KCNMB2: variants seen among roughly 807,000 people sequenced by gnomAD.
KCNMB2 encodes the protein potassium calcium-activated channel subfamily M regulatory beta subunit 2.
In KCNMB2, 9 loss-of-function variants were observed where a neutral mutation model predicts 24.5. The observed-to-expected ratio is 0.37, with a 90% CI of 0.22 to 0.64. The LOEUF (loss-of-function observed/expected upper bound fraction) is 0.64. Among genes scored for constraint, KCNMB2 ranks in the 30% least tolerant of loss-of-function variants. The pLI is 0.63. For missense variants in KCNMB2, 226 were observed against 284.3 expected (o/e 0.79, Z 1.47); for synonymous variants, 109 against 104.4 (o/e 1.04, Z -0.27).
At chr3:178,647,306 C>T (rs1033250704) in intron 1 of KCNMB2, among the ~76,000 whole-genome samples, 14 of 152,050 alleles carry the variant, frequency 9.2e-5, no homozygotes, top group African/African-American at 3.4e-4. Flanking sequence ...AAGTTCATTA[C>T]CTGTGTGCTT....
intron 2 of KCNMB2, among the ~76,000 whole-genome samples, chr3:178,816,657 C>T (rs1224618011): frequency 1.3e-5 from 2 of 152,044 alleles, no homozygotes; most frequent in Admixed American, 1.3e-4. Flanking sequence ...AGCTGCATCC[C>T]ACTAATTGTT....
intron 1 of KCNMB2, among the ~76,000 whole-genome samples, chr3:178,798,731 A>T (rs1713653344): frequency 6.6e-6 from 1 of 151,846 alleles, no homozygotes; most frequent in South Asian, 2.1e-4. Context: ...TCAGGGAGTG[A>T]GGTTGGGGGA....
chr3:178,636,571 A>G (rs553830495), intron 1 of KCNMB2, among the ~76,000 whole-genome samples: 10 of 152,242 alleles, frequency 6.6e-5, no homozygotes, highest in Non-Finnish European at 8.8e-5. Flanking sequence ...TATAATCAGA[A>G]AGAAAAACTG....
At chr3:178,591,851 A>G (rs1197152138) in intron 1 of KCNMB2, among the ~76,000 whole-genome samples, 1 of 152,112 alleles carries the variant, frequency 6.6e-6, no homozygotes, top group Non-Finnish European at 1.5e-5. Context: ...GGTTGAAAAG[A>G]TCAGGCCCAG....
intron 1 of KCNMB2, among the ~76,000 whole-genome samples, chr3:178,570,086 T>C (rs958334910): frequency 1.3e-5 from 2 of 152,156 alleles, no homozygotes; most frequent in African/African-American, 2.4e-5. Flanking sequence ...TCTGGTAGCA[T>C]TGGCTCTTTC....
intron 1 of KCNMB2, among the ~76,000 whole-genome samples, chr3:178,587,559 C>T (rs1717488194): frequency 6.6e-6 from 1 of 151,228 alleles, no homozygotes; most frequent in African/African-American, 2.4e-5. Flanking sequence ...GGGTAGTTGG[C>T]ATTACAGGCA....
At chr3:178,746,730 T>A (rs1377147038) in intron 1 of KCNMB2, among the ~76,000 whole-genome samples, 3 of 152,178 alleles carry the variant, frequency 2.0e-5, no homozygotes, top group Non-Finnish European at 4.4e-5. Flanking sequence ...ATCATCTCTC[T>A]CAAGTTCAAA....
At chr3:178,791,148 A>C (rs7374936) in intron 1 of KCNMB2, among the ~76,000 whole-genome samples, 21,920 of 152,246 alleles carry the variant, frequency 0.14, 1,868 homozygotes, top group Non-Finnish European at 0.18. Context: ...AGTGGCCAAT[A>C]CCGGAATGAC....
chr3:178,638,120 A>G (rs534269478), intron 1 of KCNMB2, among the ~76,000 whole-genome samples: 3 of 152,108 alleles, frequency 2.0e-5, no homozygotes, highest in African/African-American at 7.2e-5. Flanking sequence ...ACAATACCTA[A>G]TTTGCGGCCT....
intron 2 of KCNMB2, among the ~76,000 whole-genome samples, chr3:178,821,705 T>G (rs1714631631): frequency 6.6e-6 from 1 of 152,076 alleles, no homozygotes; most frequent in Admixed American, 6.6e-5. Context: ...GAAACAAGAA[T>G]CTCACCTTTC....
At chr3:178,807,908 TA>T (rs1196413451) in intron 2 of KCNMB2, among the ~76,000 whole-genome samples, 1 of 151,300 alleles carries the variant, frequency 6.6e-6, no homozygotes, top group Non-Finnish European at 1.5e-5. Flanking sequence ...CAACAAAAAA[TA>T]ATAAAAATAT....
At chr3:178,701,098 T>G (rs921873868) in intron 1 of KCNMB2, among the ~76,000 whole-genome samples, 1 of 152,232 alleles carries the variant, frequency 6.6e-6, no homozygotes, top group African/African-American at 2.4e-5. Context: ...AGGTCTAACA[T>G]TTAAGCCTTT....
intron 1 of KCNMB2, among the ~76,000 whole-genome samples, chr3:178,700,780 CCAA>C (rs1424654142): frequency 1.4e-5 from 2 of 146,914 alleles, no homozygotes; most frequent in Admixed American, 1.3e-4. Context: ...AAAAAAAAAA[CCAA>C]CAACAAGAAA....
At position 178,814,126 on chromosome 3, in the gene KCNMB2, A is replaced by G. The variant is rs60098148; in HGVS notation, c.56+6661A>G. On this transcript the variant is annotated intron_variant, in intron 2 of 4. Transcript: ENST00000452583. ...ATAGTGAAACTAGTACCCAATAGGTAGTTTTTCAACTCTTTTTTCCTCCCT... is the reference window on the plus strand; with the variant it reads ...ATAGTGAAACTAGTACCCAATAGGTGGTTTTTCAACTCTTTTTTCCTCCCT... Among the ~76,000 whole-genome samples the G allele has an allele frequency of 9.5e-4, 144 of 152,258 alleles. 1 individual carries two copies. In the East Asian group the frequency reaches 0.027, roughly 28 times the overall value.
At position 178,569,384 on chromosome 3, in the gene KCNMB2, T is replaced by C. The variant is rs1716686929; in HGVS notation, c.-68+32673T>C. On this transcript the variant is annotated intron_variant, in intron 1 of 4. Coordinates refer to ENST00000452583, the MANE Select transcript of KCNMB2 (RefSeq NM_181361.3). ...GGTTCATGTAACCACATCTGCGGTG[T>C]AGAGGGGCGCACTACCCTTTGATTC... Among the ~76,000 whole-genome samples, 3 of 152,194 alleles carry C rather than the reference T, an allele frequency of 2.0e-5. No homozygotes were observed. The South Asian group carries it at 6.2e-4, about 31-fold the overall frequency.
At chr3:178,811,032 G>A (rs866902470) in intron 2 of KCNMB2, among the ~76,000 whole-genome samples, 15 of 151,340 alleles carry the variant, frequency 9.9e-5, no homozygotes, top group South Asian at 4.2e-4. Context: ...GATTACAGGC[G>A]TGGGCCACCA....
intron 1 of KCNMB2, among the ~76,000 whole-genome samples, chr3:178,543,823 T>A (rs549773515): frequency 6.6e-6 from 1 of 152,216 alleles, no homozygotes; most frequent in Non-Finnish European, 1.5e-5. Flanking sequence ...TGTGTCACTG[T>A]CATAAAAATG....
chr3:178,629,014 C>T (rs190550611), intron 1 of KCNMB2, among the ~76,000 whole-genome samples: 25 of 152,126 alleles, frequency 1.6e-4, no homozygotes, highest in Non-Finnish European at 2.8e-4. Context: ...GCAAATTTAA[C>T]TACTCAATTT....
chr3:178,663,723 T>G (rs1315223836), intron 1 of KCNMB2, among the ~76,000 whole-genome samples: 1 of 152,188 alleles, frequency 6.6e-6, no homozygotes, highest in Non-Finnish European at 1.5e-5. Context: ...TATTACCTCA[T>G]TTTGTATAAC....
Sources: allele counts gnomAD v4.1 joint callset (sites outside exome capture counted in the v4.1 genomes callset), GRCh38; gene constraint gnomAD v4.1.1; transcripts MANE v1.5; gene names NCBI Gene and HGNC (gene_info 2026-07-23, HGNC 2026-07-21).